The following SLC17A3 variants were observed in gnomAD, a reference collection of about 807,000 sequenced individuals.
SLC17A3 encodes the protein solute carrier family 17 member 3.
Under a neutral mutation model 60.3 loss-of-function variants are expected in SLC17A3, and 61 were observed. That is an observed-to-expected ratio of 1.01 (90% CI 0.82 to 1.25). The LOEUF is 1.25. Ranked by LOEUF, SLC17A3 falls within the 50% of genes most tolerant of loss-of-function variation. SLC17A3 has a pLI of 0.00. For missense variants in SLC17A3, 624 were observed against 594.9 expected (o/e 1.05, Z -0.51); for synonymous variants, 192 against 208.9 (o/e 0.92, Z 0.70).
At position 25,849,801 on chromosome 6, in the gene SLC17A3, C is replaced by T; in HGVS notation, c.1271+4G>A. ...GAAACTGATAGTGGAGATCAGAGTC[C>T]TACCTTGGAGCAATATCTAAGACAT... On this transcript the variant is annotated splice_donor_region_variant and intron_variant, in intron 10 of 12. Transcript: ENST00000397060. 1 of 1,613,396 alleles carries T rather than the reference C, an allele frequency of 6.2e-7. No individual in the cohort carries two copies. The highest frequency in any genetic ancestry group is 8.5e-7 in the Non-Finnish European group (1 of 1,179,454).
At chr6:25,870,708 T>C (rs936176433) in intron 1 of SLC17A3, among the ~76,000 whole-genome samples, 1 of 152,024 alleles carries the variant, frequency 6.6e-6, no homozygotes, top group African/African-American at 2.4e-5. Flanking sequence ...TGATAGTTGC[T>C]AGAGGCCCCT....
chr6:25,863,990 A>G (rs1007816167), intron 2 of SLC17A3, among the ~76,000 whole-genome samples: 30 of 152,054 alleles, frequency 2.0e-4, no homozygotes, highest in Admixed American at 2.6e-4. Context: ...AAATCAAATA[A>G]TGTATTAGAA....
intron 2 of SLC17A3, among the ~76,000 whole-genome samples, 185 bp downstream of exon 2, chr6:25,868,112 T>C (rs922784642): frequency 2.2e-4 from 33 of 152,100 alleles, no homozygotes; most frequent in Middle Eastern, 6.8e-3. Context: ...AAGATAACTG[T>C]CAAAAATAAA....
At chr6:25,872,101 T>C (rs1027250098) in intron 1 of SLC17A3, among the ~76,000 whole-genome samples, 1 of 151,946 alleles carries the variant, frequency 6.6e-6, no homozygotes, top group African/African-American at 2.4e-5. Flanking sequence ...GATATGAATT[T>C]AGAGTTCAAT....
intron 1 of SLC17A3, among the ~76,000 whole-genome samples, chr6:25,869,138 A>T (rs925830395): frequency 1.3e-5 from 2 of 151,986 alleles, no homozygotes; most frequent in African/African-American, 4.8e-5. Context: ...ACTAACATGG[A>T]GGTTGTGACC....
At chr6:25,847,621 G>C (rs1765199535) in intron 11 of SLC17A3, among the ~76,000 whole-genome samples, 1 of 152,044 alleles carries the variant, frequency 6.6e-6, no homozygotes, top group African/African-American at 2.4e-5. Flanking sequence ...GCTGTGAGAT[G>C]ATCTCACTGT....
At position 25,857,824 on chromosome 6, in the gene SLC17A3, C is replaced by T. The variant is rs1765383495; in HGVS notation, c.626-2594G>A. ...CTTGAACTCTTTGCCTTTGCTTTGA[C>T]TATAATGGGGGACAGGTTCCTGCAT... On this transcript the variant is annotated intron_variant, in intron 5 of 12. Transcript: ENST00000397060. Among the ~76,000 whole-genome samples, 4 of 152,298 alleles carry T rather than the reference C, an allele frequency of 2.6e-5. No homozygotes were observed. The South Asian group carries it at 8.3e-4, about 32-fold the overall frequency.
chr6:25,866,022 C>T (rs1581531129), intron 2 of SLC17A3, among the ~76,000 whole-genome samples: 1 of 151,974 alleles, frequency 6.6e-6, no homozygotes, highest in African/African-American at 2.4e-5. Context: ...GACAGACAGA[C>T]CTTAAGGTGG....
chr6:25,871,292 T>A (rs913972539), intron 1 of SLC17A3, among the ~76,000 whole-genome samples: 4 of 152,018 alleles, frequency 2.6e-5, no homozygotes, highest in Non-Finnish European at 4.4e-5. Flanking sequence ...ATATACACCA[T>A]GGAATACTAT....
rs1186402007 is a variant in SLC17A3 at position 25,850,753 on chromosome 6, A to G, written c.831+6T>C. The G allele has an allele frequency of 6.2e-7, 1 of 1,610,754 alleles. No individual in the cohort carries two copies. The highest frequency in any genetic ancestry group is 1.1e-5 in the South Asian group (1 of 91,008). On this transcript the variant is annotated splice_donor_region_variant and intron_variant, in intron 7 of 12. Coordinates refer to ENST00000397060, the MANE Select transcript of SLC17A3 (RefSeq NM_001098486.2). ...CTCAGAAAAGTGTTGGTGTCTTTAT[A>G]TGTACCTGTTGTTTCAAGGAGGATA... is the stretch of plus-strand genomic sequence containing the variant.
Position 25,850,620 on chromosome 6 carries a change from C to T in SLC17A3, c.832G>A (p.Val278Ile), listed in dbSNP as rs1765259423. Residue 278 changes from valine (V) to isoleucine (I), a missense_variant and splice_region_variant, in exon 8 of 13, where the codon GTC becomes ATC. Coordinates refer to ENST00000397060, the MANE Select transcript of SLC17A3 (RefSeq NM_001098486.2). Reference protein sequence around the residue: ...EYIISSLKQQVGSSKQPLPIK... With the variant: ...EYIISSLKQQIGSSKQPLPIK... ...GGAAGAGGCTGCTTAGAAGACCCGA[C>T]CTGAAAACAAATTTACTGGTCATAA... The T allele has an allele frequency of 4.3e-6, 7 of 1,613,978 alleles. No individual in the cohort carries two copies. The highest frequency in any genetic ancestry group is 3.3e-4 in the Middle Eastern group (2 of 6,062).
In SLC17A3 at chr6:25,868,494, G is replaced by A. The variant is rs948563991; in HGVS notation, c.-33-74C>T. 1.1e-5 allele frequency: 11 copies of A among 1,015,098 alleles called. No homozygotes were observed. In the Admixed American group the frequency reaches 1.8e-4, roughly 17 times the overall value. The allele number at this position is 1,015,098 out of a possible 1,614,324, so 62.9% of individuals were successfully genotyped here. A position where few individuals can be genotyped will look rare whatever the true frequency, so the allele number is the denominator to read the frequency against. ...TCCCCGTTGAAATATTTAAACAAGGGCACCAAGGAAAAAAAAGCTGGCCCA... is the reference window on the plus strand; with the variant it reads ...TCCCCGTTGAAATATTTAAACAAGGACACCAAGGAAAAAAAAGCTGGCCCA... On this transcript the variant is annotated intron_variant, in intron 1 of 12. Coordinates refer to ENST00000397060, the MANE Select transcript of SLC17A3 (RefSeq NM_001098486.2).
At chr6:25,846,686 C>T (rs2151517760) in intron 11 of SLC17A3, among the ~76,000 whole-genome samples, 1 of 152,264 alleles carries the variant, frequency 6.6e-6, no homozygotes, top group African/African-American at 2.4e-5. Flanking sequence ...TCTCGGCTCA[C>T]TGCAGCCTCC....
chr6:25,859,171 G>A (rs1765406660), intron 5 of SLC17A3, among the ~76,000 whole-genome samples: 1 of 152,136 alleles, frequency 6.6e-6, no homozygotes, highest in African/African-American at 2.4e-5. Flanking sequence ...TTAAAGATAA[G>A]TAATTTACTA....
At chr6:25,848,465 A>AT (rs1191762480) in intron 11 of SLC17A3, among the ~76,000 whole-genome samples, 1 of 152,102 alleles carries the variant, frequency 6.6e-6, no homozygotes, top group East Asian at 1.9e-4. Context: ...GATGCTGAGC[A>AT]TTTTTTCACA....
chr6:25,859,852 A>G (rs765783845), intron 5 of SLC17A3, among the ~76,000 whole-genome samples: 1 of 152,068 alleles, frequency 6.6e-6, no homozygotes, highest in Non-Finnish European at 1.5e-5. Context: ...ATGGGATAAC[A>G]TACCCCATTT....
chr6:25,867,762 G>A (rs1463874070), intron 2 of SLC17A3, among the ~76,000 whole-genome samples: 1 of 151,760 alleles, frequency 6.6e-6, no homozygotes, highest in Non-Finnish European at 1.5e-5. Flanking sequence ...GATTCACAAA[G>A]ATATTCACAC....
intron 2 of SLC17A3, among the ~76,000 whole-genome samples, chr6:25,862,859 A>C (rs1221655873): frequency 1.3e-5 from 2 of 151,694 alleles, no homozygotes; most frequent in African/African-American, 4.8e-5. Context: ...ATAATATATT[A>C]CATATACTTT....
At chr6:25,850,715 C>T (rs369464749) in intron 7 of SLC17A3, 44 bp downstream of exon 7, 61 of 1,604,260 alleles carry the variant, frequency 3.8e-5, no homozygotes, top group Non-Finnish European at 5.1e-5. Context: ...TCAAGAAAAT[C>T]CAGATACAAG....
Sources: allele counts gnomAD v4.1 joint callset (sites outside exome capture counted in the v4.1 genomes callset), GRCh38; gene constraint gnomAD v4.1.1; transcripts MANE v1.5; gene names NCBI Gene and HGNC (gene_info 2026-07-23, HGNC 2026-07-21).